JAKMIP1: variants seen among roughly 807,000 people sequenced by gnomAD.
JAKMIP1 encodes janus kinase and microtubule-interacting protein 1.
In JAKMIP1, 33 loss-of-function variants were observed where a neutral mutation model predicts 113.0. The observed-to-expected ratio is 0.29, with a 90% confidence interval of 0.22 to 0.39. The LOEUF is 0.39. Ranked by LOEUF, JAKMIP1 falls within the 10% of genes least tolerant of loss-of-function variation. The pLI is 1.00. For synonymous variants in JAKMIP1, 480 were observed against 459.9 expected, an observed-to-expected ratio of 1.04 and a Z score of -0.56; for missense variants, 813 against 1,080.5, an observed-to-expected ratio of 0.75 and a Z score of 3.47.
At chr4:6,074,118 G>A (rs1483590520) in intron 8 of JAKMIP1, among the ~76,000 whole-genome samples, 1 of 152,234 alleles carries the variant, frequency 6.6e-6, no homozygotes, top group Non-Finnish European at 1.5e-5. Context: ...CACCAATCTT[G>A]TCCCTGGAGG....
chr4:6,100,968 T>C (rs1712918803), intron 3 of JAKMIP1, among the ~76,000 whole-genome samples: 1 of 152,250 alleles, frequency 6.6e-6, no homozygotes, highest in Non-Finnish European at 1.5e-5. Context: ...GTTATAGGTA[T>C]TGAACATGTC....
chr4:6,170,301 CCAT>C (rs1724302303), intron 1 of JAKMIP1, among the ~76,000 whole-genome samples: 1 of 146,814 alleles, frequency 6.8e-6, no homozygotes, highest in African/African-American at 2.5e-5. Context: ...ACTGTCAACA[CCAT>C]CATAACCCTC....
chr4:6,056,821 C>G, intron 11 of JAKMIP1, 62 bp from the exon 12 acceptor site: 1 of 1,140,304 alleles, frequency 8.8e-7, no homozygotes, highest in Non-Finnish European at 1.3e-6. Flanking sequence ...AAGTAACAAA[C>G]TTTTAGTGAG....
At chr4:6,035,011 C>T (rs1482322181) in intron 19 of JAKMIP1, among the ~76,000 whole-genome samples, 2 of 152,158 alleles carry the variant, frequency 1.3e-5, no homozygotes, top group Non-Finnish European at 2.9e-5. Context: ...GCTTGAAATA[C>T]AACAACTCTT....
chr4:6,154,944 C>T lies in JAKMIP1; in HGVS notation c.-147-41947G>A, dbSNP rs553593590. The stretch of plus-strand genomic sequence containing the variant: ...AACACAGAGCACGCAGGGAAAGGTG[C>T]GGGGTAGGGTGGGGGGTCTTAGCTG... On this transcript the variant is annotated intron_variant, in intron 1 of 20. Coordinates refer to ENST00000409021, the MANE Select transcript of JAKMIP1 (RefSeq NM_001099433.2). The surrounding 1 kb of genome is among the most constrained non-coding windows in gnomAD (Gnocchi z 4.2). Among the ~76,000 whole-genome samples, 3 of 152,152 alleles carry T rather than the reference C, an allele frequency of 2.0e-5. No homozygotes were observed. Among genetic ancestry groups the T allele is most frequent in the East Asian group, 3.9e-4 (2 of 5,176 alleles).
In JAKMIP1 at chr4:6,037,382, A is replaced by G. The variant is rs75945943; in HGVS notation, c.2176-1275T>C. Among the ~76,000 whole-genome samples the G allele has an allele frequency of 2.6e-3, 235 of 89,064 alleles. 4 individuals are homozygous for G. The highest frequency in any genetic ancestry group is 8.2e-3 in the Middle Eastern group (1 of 122). The allele number at this position is 89,064 out of a possible 152,430, so 58.4% of individuals were successfully genotyped here. ...TCCATCACCGAGGCAGAGGCTAACC[A>G]GTATCCCTCCATCACCGAGGCAGAG... On this transcript the variant is annotated intron_variant, in intron 18 of 20. Coordinates refer to ENST00000409021, the MANE Select transcript of JAKMIP1 (RefSeq NM_001099433.2).
chr4:6,036,054 C>T lies in JAKMIP1; in HGVS notation c.2229G>A (p.Gly743=), dbSNP rs2108749307. 1.9e-6 allele frequency: 3 copies of T among 1,556,914 alleles called. No homozygotes were observed. Residue 743 remains glycine, a synonymous_variant, in exon 19 of 21, where the codon GGG becomes GGA. Transcript: ENST00000409021. ...TLYTALQQEP[G]RRAGEALSEG... is the part of the protein sequence containing the mutation. ...CGCTCAGCGCCTCACCGGCCCTCCGCCCCGGCTCCTGCTGCAGCGCTGTGT... is the reference window on the plus strand; with the variant it reads ...CGCTCAGCGCCTCACCGGCCCTCCGTCCCGGCTCCTGCTGCAGCGCTGTGT...
At position 6,083,690 on chromosome 4, in the gene JAKMIP1, G is replaced by A. The variant is rs959652088; in HGVS notation, c.954+1156C>T. 4.0e-5 allele frequency among the ~76,000 whole-genome samples: 6 copies of A among 150,954 alleles called. No individual in the cohort carries two copies. The South Asian group carries it at 8.4e-4, about 21-fold the overall frequency. The stretch of plus-strand genomic sequence containing the variant: ...AAAGTTGTGAAGAGGTGATACTTAC[G>A]GACACTTTTCACCACTCATTTTTTT... On this transcript the variant is annotated intron_variant, in intron 5 of 20. Transcript: ENST00000409021.
chr4:6,135,825 T>C lies in JAKMIP1; in HGVS notation c.-147-22828A>G, dbSNP rs1354301933. On this transcript the variant is annotated intron_variant, in intron 1 of 20. Transcript: ENST00000409021. The surrounding 1 kb of genome is among the most constrained non-coding windows in gnomAD (Gnocchi z 4.9). ...AGCACAATGCTGGCTCACACAGAAC[T>C]TCTTACTAACAGTTTCAGATAGCCA... is the stretch of plus-strand genomic sequence containing the variant. Among the ~76,000 whole-genome samples, 1 of 151,540 alleles carries C rather than the reference T, an allele frequency of 6.6e-6. No individual in the cohort carries two copies. The highest frequency in any genetic ancestry group is 1.5e-5 in the Non-Finnish European group (1 of 67,966).
At chr4:6,125,215 G>C (rs1027887021) in intron 1 of JAKMIP1, among the ~76,000 whole-genome samples, 5 of 152,112 alleles carry the variant, frequency 3.3e-5, no homozygotes, top group African/African-American at 9.7e-5. Context: ...TCTCTGAGGT[G>C]CCCTCAGCTT....
intron 9 of JAKMIP1, among the ~76,000 whole-genome samples, chr4:6,062,660 G>A (rs1283611677): frequency 6.6e-6 from 1 of 152,192 alleles, no homozygotes; most frequent in Non-Finnish European, 1.5e-5. Context: ...GGAAAGGGCT[G>A]CCAGGAGGAG....
In JAKMIP1 at chr4:6,106,844, G is replaced by A. The variant is rs889027320; in HGVS notation, c.130-877C>T. Among the ~76,000 whole-genome samples the A allele has an allele frequency of 4.6e-5, 7 of 152,212 alleles. No homozygotes were observed. Among genetic ancestry groups the A allele is most frequent in the Middle Eastern group, 3.4e-3 (1 of 294 alleles). On this transcript the variant is annotated intron_variant, in intron 2 of 20. Transcript: ENST00000409021. This position sits in a 1 kb window ranked among gnomAD's most constrained non-coding sequence, Gnocchi z 5.9. Reference sequence around the variant, plus strand: ...AGCCCTTATTTCCTGAATTCTGCCCGTCTCTGAAGACCTGAAATGAATTGC... The same window carrying A: ...AGCCCTTATTTCCTGAATTCTGCCCATCTCTGAAGACCTGAAATGAATTGC...
chr4:6,048,720 G>A, intron 16 of JAKMIP1, 137 bp downstream of exon 16: 1 of 676,122 alleles, frequency 1.5e-6, no homozygotes, highest in Admixed American at 2.5e-5. Context: ...GAACGGAAAG[G>A]CATGCATGTG....
intron 1 of JAKMIP1, among the ~76,000 whole-genome samples, chr4:6,131,748 C>T (rs1465359182): frequency 6.6e-6 from 1 of 152,116 alleles, no homozygotes; most frequent in African/African-American, 2.4e-5. Context: ...ATTATTAATA[C>T]ATCCGACTTC....
Position 6,105,560 on chromosome 4 carries a change from C to T in JAKMIP1, c.537G>A (p.Lys179=). Residue 179 remains lysine (K), a synonymous_variant, in exon 3 of 21, where the codon AAG becomes AAA. Transcript: ENST00000409021. The part of the protein sequence containing the change: ...LSNCMQADKT[K]AADLRAAYQA... ...GGTAGGCGGCACGCAGGTCGGCTGC[C>T]TTGGTCTTGTCAGCCTGCATGCAGT... is the stretch of plus-strand genomic sequence containing the variant. 1.9e-6 allele frequency: 3 copies of T among 1,603,196 alleles called. No homozygotes were observed. Among genetic ancestry groups the T allele is most frequent in the Non-Finnish European group, 2.6e-6 (3 of 1,175,106 alleles).
chr4:6,177,080 A>G (rs2109033279), intron 1 of JAKMIP1, among the ~76,000 whole-genome samples: 1 of 152,320 alleles, frequency 6.6e-6, no homozygotes, highest in East Asian at 1.9e-4. Flanking sequence ...CCTTGTTGTC[A>G]TGAGCAGTGA....
At chr4:6,190,962 A>G (rs542723773) in intron 1 of JAKMIP1, among the ~76,000 whole-genome samples, 3 of 152,354 alleles carry the variant, frequency 2.0e-5, no homozygotes, top group African/African-American at 7.2e-5. Flanking sequence ...CTGAGAGTCA[A>G]CTGCCCTCGG....
At chr4:6,100,183 A>C (rs1712765367) in intron 3 of JAKMIP1, among the ~76,000 whole-genome samples, 1 of 152,214 alleles carries the variant, frequency 6.6e-6, no homozygotes, top group Non-Finnish European at 1.5e-5. Context: ...CCATCATTAT[A>C]ATCTGTTTCA....
chr4:6,075,547 A>T (rs947856505), intron 8 of JAKMIP1, among the ~76,000 whole-genome samples: 6 of 152,260 alleles, frequency 3.9e-5, no homozygotes, highest in African/African-American at 1.2e-4. Context: ...AATAGAAAAG[A>T]CCCTAAACCC....
Sources: allele counts gnomAD v4.1 joint callset (sites outside exome capture counted in the v4.1 genomes callset), GRCh38; gene constraint gnomAD v4.1.1; non-coding constraint Gnocchi (gnomAD v3.1); transcripts MANE v1.5; gene names NCBI Gene and HGNC (gene_info 2026-07-23, HGNC 2026-07-21).